ANO6: variants seen among roughly 807,000 people sequenced by gnomAD.
ANO6 encodes anoctamin 6.
In ANO6, 106 loss-of-function variants were observed where a neutral mutation model predicts 117.5. That is an observed-to-expected ratio of 0.90 (90% CI 0.77 to 1.06). The LOEUF (loss-of-function observed/expected upper bound fraction) is 1.06, where lower values mean the gene tolerates loss of function less well. Among genes scored for constraint, ANO6 ranks in the 50% least tolerant of loss-of-function variants. The pLI is 0.00. For missense variants in ANO6, 955 were observed against 1,121.1 expected (o/e 0.85, Z 2.12); for synonymous variants, 367 against 385.1 (o/e 0.95, Z 0.55).
intron 2 of ANO6, among the ~76,000 whole-genome samples, chr12:45,324,406 A>G (rs1034657320): frequency 3.8e-4 from 58 of 152,196 alleles, no homozygotes; most frequent in African/African-American, 1.2e-3. Context: ...AATCGTCACA[A>G]TCCTTTGCTT....
At chr12:45,258,819 A>G (rs1276098709) in intron 1 of ANO6, among the ~76,000 whole-genome samples, 1 of 152,238 alleles carries the variant, frequency 6.6e-6, no homozygotes, top group African/African-American at 2.4e-5. Context: ...CCTCCAGAAT[A>G]GAGACTGTAA....
chr12:45,388,028 C>T (rs1252967269), intron 10 of ANO6, 133 bp from the exon 11 acceptor site: 7 of 1,200,452 alleles, frequency 5.8e-6, no homozygotes, highest in African/African-American at 1.5e-5. Context: ...TTATGAATTA[C>T]CCAGTCCAGG....
chr12:45,420,341 C>G (rs1565769607), intron 17 of ANO6, among the ~76,000 whole-genome samples: 1 of 152,118 alleles, frequency 6.6e-6, no homozygotes, highest in Non-Finnish European at 1.5e-5. Context: ...GTCTTCTAGG[C>G]TGAGATCAGT....
intron 8 of ANO6, among the ~76,000 whole-genome samples, chr12:45,358,678 C>T (rs1941474497): frequency 6.6e-6 from 1 of 151,906 alleles, no homozygotes; most frequent in African/African-American, 2.4e-5. Context: ...AACTATTTGG[C>T]TTTAATTATT....
chr12:45,277,191 G>A (rs1176301194), intron 1 of ANO6, among the ~76,000 whole-genome samples: 1 of 151,942 alleles, frequency 6.6e-6, no homozygotes, highest in Admixed American at 6.6e-5. Flanking sequence ...TATAATTTTG[G>A]TAAGATCAGT....
At chr12:45,253,288 G>A (rs1937690963) in intron 1 of ANO6, among the ~76,000 whole-genome samples, 1 of 152,226 alleles carries the variant, frequency 6.6e-6, no homozygotes. Flanking sequence ...GTCTGTGGGA[G>A]TCCAGAGCTT....
At chr12:45,288,090 A>G (rs1030397941) in intron 1 of ANO6, among the ~76,000 whole-genome samples, 1 of 152,138 alleles carries the variant, frequency 6.6e-6, no homozygotes, top group Non-Finnish European at 1.5e-5. Flanking sequence ...AGCTCTCCCT[A>G]AAGGACAGCA....
At chr12:45,259,616 G>A (rs1036224579) in intron 1 of ANO6, among the ~76,000 whole-genome samples, 1 of 152,270 alleles carries the variant, frequency 6.6e-6, no homozygotes, top group African/African-American at 2.4e-5. Flanking sequence ...CTCTGCACAC[G>A]CTTTTCCACC....
intron 9 of ANO6, among the ~76,000 whole-genome samples, chr12:45,368,112 C>T (rs537960771): frequency 6.6e-6 from 1 of 152,164 alleles, no homozygotes; most frequent in East Asian, 1.9e-4. Context: ...TTAATAGATT[C>T]ACTACAGGTT....
intron 17 of ANO6, among the ~76,000 whole-genome samples, chr12:45,417,238 A>G (rs1565766822): frequency 6.6e-6 from 1 of 152,194 alleles, no homozygotes; most frequent in Admixed American, 6.5e-5. Context: ...TTTTTTTTAT[A>G]ATGTGGGTAG....
rs1941723831 is a variant in ANO6 at position 45,367,745 on chromosome 12, T to C, written c.1056T>C (p.Asp352=). 1 of 1,613,662 alleles carries C rather than the reference T, an allele frequency of 6.2e-7. No homozygotes were observed. Among genetic ancestry groups the C allele is most frequent in the African/African-American group, 1.3e-5 (1 of 74,926 alleles). Residue 352 remains aspartate, a synonymous_variant, in exon 9 of 20, where the codon GAT becomes GAC. Transcript: ENST00000320560. The part of the protein sequence containing the change: ...GGKIIMCPQC[D]RLCPFWKLNI... Reference sequence around the variant, plus strand: ...AGATCATAATGTGTCCTCAGTGTGATAGGCTTTGTCCATTCTGGAAACTCA... The same window carrying C: ...AGATCATAATGTGTCCTCAGTGTGACAGGCTTTGTCCATTCTGGAAACTCA...
intron 12 of ANO6, 41 bp from the exon 13 acceptor site, chr12:45,401,754 T>C: frequency 6.6e-7 from 1 of 1,508,998 alleles, no homozygotes; most frequent in Non-Finnish European, 9.2e-7. Flanking sequence ...CAAGTGCAGT[T>C]ATTGGTGAGT....
At chr12:45,307,278 C>T (rs1364124685) in intron 2 of ANO6, among the ~76,000 whole-genome samples, 1 of 152,062 alleles carries the variant, frequency 6.6e-6, no homozygotes, top group Non-Finnish European at 1.5e-5. Flanking sequence ...TAGACTTTCT[C>T]AGGAATCCAA....
At chr12:45,421,442 C>T (rs576691877) in intron 18 of ANO6, among the ~76,000 whole-genome samples, 169 bp downstream of exon 18, 26 of 152,184 alleles carry the variant, frequency 1.7e-4, no homozygotes, top group African/African-American at 6.0e-4. Context: ...ATTTTTTCCC[C>T]ATAGCTTTCT....
At chr12:45,325,586 C>T (rs1940432490) in intron 2 of ANO6, among the ~76,000 whole-genome samples, 1 of 152,116 alleles carries the variant, frequency 6.6e-6, no homozygotes, top group Non-Finnish European at 1.5e-5. Flanking sequence ...TTACCACTTC[C>T]AGATGAGAAC....
At chr12:45,266,622 C>A (rs959682634) in intron 1 of ANO6, among the ~76,000 whole-genome samples, 1 of 152,022 alleles carries the variant, frequency 6.6e-6, no homozygotes, top group East Asian at 1.9e-4. Flanking sequence ...ATAGTGAGAC[C>A]TCATCTCTAC....
chr12:45,225,026 A>C (rs935964164), intron 1 of ANO6, among the ~76,000 whole-genome samples: 4 of 152,106 alleles, frequency 2.6e-5, no homozygotes, highest in African/African-American at 9.7e-5. Context: ...CCCAATCTAT[A>C]CAAAAACTGC....
Position 45,403,122 on chromosome 12 carries a change from T to G in ANO6, c.1663T>G (p.Phe555Val), listed in dbSNP as rs541763039. 9 of 1,614,040 alleles carry G rather than the reference T, an allele frequency of 5.6e-6. No homozygotes were observed. In the East Asian group the frequency reaches 2.0e-4, roughly 36 times the overall value. The change falls in exon 14 of 20, where the codon TTC becomes GTC. Residue 555 changes from phenylalanine (F) to valine (V), a missense_variant. Transcript: ENST00000320560. ...TGAGAACAGCCTCACCATGAAGATG[T>G]TCTTATTCCAGTTTGTCAACTACTA... is the stretch of plus-strand genomic sequence containing the variant. The part of the protein sequence containing the change: ...DYENSLTMKM[F>V]LFQFVNYYSS...
chr12:45,420,202 CT>C (rs1943321947), intron 17 of ANO6, among the ~76,000 whole-genome samples: 1 of 152,058 alleles, frequency 6.6e-6, no homozygotes, highest in Admixed American at 6.6e-5. Context: ...AAAAAGTGAA[CT>C]TAGAGGTCAT....
Sources: gnomAD v4.1 joint callset for allele counts (sites outside exome capture counted in the v4.1 genomes callset) on GRCh38, gnomAD v4.1.1 for gene constraint, MANE v1.5 for transcripts, NCBI Gene and HGNC (gene_info 2026-07-23, HGNC 2026-07-21) for gene names.